Variants in PLEKHA3 observed in about 807,000 individuals in gnomAD.
PLEKHA3 encodes the protein pleckstrin homology domain containing A3, also known as pleckstrin homology domain-containing family A member 3.
Under a neutral mutation model 39.2 loss-of-function variants are expected in PLEKHA3, and 19 were observed. The ratio of observed to expected loss-of-function variants is 0.48; its 90% CI spans 0.34 to 0.71. PLEKHA3 has a LOEUF of 0.71. Ranked by LOEUF, PLEKHA3 falls within the 30% of genes least tolerant of loss-of-function variation. PLEKHA3 has a pLI of 0.01. For synonymous variants in PLEKHA3, 97 were observed against 118.6 expected (o/e 0.82, Z 1.18); for missense variants, 253 against 359.5 (o/e 0.70, Z 2.40).
Position 178,507,262 on chromosome 2 carries a change from C to G in PLEKHA3, c.*3375C>G, listed in dbSNP as rs746632231. On this transcript the variant is annotated 3_prime_UTR_variant, in exon 8 of 8. Transcript: ENST00000234453. ...CACATTTTTCTTCCCCCACCCCTCC[C>G]AAAATAGATTTATATTCACACAACT... The G allele has an allele frequency of 6.6e-6, 1 of 152,180 alleles. No individual in the cohort carries two copies. Among genetic ancestry groups the G allele is most frequent in the Non-Finnish European group, 1.5e-5 (1 of 68,022 alleles). 9.4% of individuals were successfully genotyped at this position (152,180 alleles called of 1,614,324 possible).
chr2:178,486,594 T>TCTTA (rs80046425), intron 2 of PLEKHA3, among the ~76,000 whole-genome samples: 27,770 of 152,132 alleles, frequency 0.18, 3,279 homozygotes, highest in East Asian at 0.62. Context: ...ATAAGTGTTG[T>TCTTA]CTTTTAATGT....
At chr2:178,501,463 A>C (rs570761936) in intron 7 of PLEKHA3, among the ~76,000 whole-genome samples, 38 of 152,140 alleles carry the variant, frequency 2.5e-4, no homozygotes, top group Middle Eastern at 3.4e-3. Flanking sequence ...GACTTAAAAA[A>C]CATTTTAGAA....
Position 178,510,105 on chromosome 2 carries a change from C to T in PLEKHA3, c.*6218C>T, listed in dbSNP as rs997481471. On this transcript the variant is annotated 3_prime_UTR_variant, in exon 8 of 8. Coordinates refer to ENST00000234453, the MANE Select transcript of PLEKHA3 (RefSeq NM_019091.4). ...AGTCAGGCTGGTCTTGAACTCCTGA[C>T]CTCAGGTCATCTACCTGCCTTGGCC... is the stretch of plus-strand genomic sequence containing the variant. The T allele has an allele frequency of 6.6e-6, 1 of 152,264 alleles. No individual in the cohort carries two copies. Among genetic ancestry groups the T allele is most frequent in the East Asian group, 1.9e-4 (1 of 5,172 alleles). 9.4% of individuals were successfully genotyped at this position (152,264 alleles called of 1,614,324 possible).
In PLEKHA3 at chr2:178,509,474, A is replaced by C. The variant is rs932761964; in HGVS notation, c.*5587A>C. On this transcript the variant is annotated 3_prime_UTR_variant, in exon 8 of 8. Coordinates refer to ENST00000234453, the MANE Select transcript of PLEKHA3 (RefSeq NM_019091.4). ...TACTATCATTATTATTATTACTACT[A>C]TCAGTTTTTTTTTTTTTTTCTGAGA... 2.7e-5 allele frequency: 4 copies of C among 150,234 alleles called. No homozygotes were observed. The highest frequency in any genetic ancestry group is 7.3e-5 in the African/African-American group (3 of 40,958). 9.3% of individuals were successfully genotyped at this position (150,234 alleles called of 1,614,324 possible). A position where few individuals can be genotyped will look rare whatever the true frequency, so the allele number is the denominator to read the frequency against.
At chr2:178,499,005 G>T (rs944286408) in intron 5 of PLEKHA3, among the ~76,000 whole-genome samples, 2 of 151,992 alleles carry the variant, frequency 1.3e-5, no homozygotes, top group Non-Finnish European at 2.9e-5. Context: ...TGTTGAAAAA[G>T]ATTCCAATTA....
intron 1 of PLEKHA3, among the ~76,000 whole-genome samples, chr2:178,484,083 C>A (rs1307179111): frequency 1.3e-5 from 2 of 152,158 alleles, no homozygotes; most frequent in East Asian, 1.9e-4. Flanking sequence ...TCTCAAAAAA[C>A]CAAACAAAAC....
At position 178,503,763 on chromosome 2, in the gene PLEKHA3, C is replaced by T; in HGVS notation, c.779C>T (p.Pro260Leu). The stretch of plus-strand genomic sequence containing the variant: ...GTTTTTATCAATGTCTTCATAGGAC[C>T]TGTTCACTGTTCAAAAAATACACTT... Reference protein sequence around the residue: ...SDIPLEDPDRPVHCSKNTLNG... With the variant: ...SDIPLEDPDRLVHCSKNTLNG... Residue 260 changes from proline to leucine, a missense_variant, in exon 8 of 8, where the codon CCT becomes CTT. Pro to Leu is a moderately conservative substitution (Grantham distance 98, BLOSUM62 -3). Around this residue, in one of 2 missense-constraint regions of PLEKHA3, gnomAD observed 127 missense variants for 136.8 expected, o/e 0.93. Transcript: ENST00000234453. 1 of 1,611,042 alleles carries T rather than the reference C, an allele frequency of 6.2e-7. No individual in the cohort carries two copies.
intron 5 of PLEKHA3, among the ~76,000 whole-genome samples, chr2:178,498,189 G>A (rs142957083): frequency 1.4e-4 from 22 of 152,296 alleles, no homozygotes; most frequent in African/African-American, 3.6e-4. Context: ...TACAGATTGA[G>A]TGATTATTAT....
At chr2:178,490,584 T>A in intron 2 of PLEKHA3, 75 bp from the exon 3 acceptor site, 2 of 1,395,280 alleles carry the variant, frequency 1.4e-6, no homozygotes, top group Non-Finnish European at 2.0e-6. Context: ...TGATACTGTG[T>A]GATTAGATGA....
At chr2:178,486,327 T>C (rs1378500908) in intron 2 of PLEKHA3, among the ~76,000 whole-genome samples, 1 of 152,094 alleles carries the variant, frequency 6.6e-6, no homozygotes, top group Non-Finnish European at 1.5e-5. Context: ...GTGTGTGTGG[T>C]TGGAGTGTGT....
intron 2 of PLEKHA3, chr2:178,488,961 T>C: frequency 2.2e-6 from 1 of 459,890 alleles, no homozygotes; most frequent in South Asian, 1.6e-5. Flanking sequence ...GTTTGTTGCC[T>C]TTTCAGGTGA....
At chr2:178,486,971 A>G (rs1315249723) in intron 2 of PLEKHA3, among the ~76,000 whole-genome samples, 5 of 152,242 alleles carry the variant, frequency 3.3e-5, no homozygotes, top group Non-Finnish European at 7.3e-5. Flanking sequence ...ACACGTTGAA[A>G]TGGTATGGCA....
At chr2:178,497,046 A>C (rs998140715) in intron 5 of PLEKHA3, among the ~76,000 whole-genome samples, 10 of 152,032 alleles carry the variant, frequency 6.6e-5, no homozygotes, top group African/African-American at 2.4e-4. Context: ...TCAGCCTCCC[A>C]AAGTGTTGGG....
chr2:178,505,561 T>G lies in PLEKHA3; in HGVS notation c.*1674T>G, dbSNP rs537110170. On this transcript the variant is annotated 3_prime_UTR_variant, in exon 8 of 8. Transcript: ENST00000234453. ...CAGGTAATCAGGTTTTTCTTGTTTTTTTTTTTTTTTTAAATTTTGTAGTAA... is the reference window on the plus strand; with the variant it reads ...CAGGTAATCAGGTTTTTCTTGTTTTGTTTTTTTTTTTAAATTTTGTAGTAA... 6.6e-5 allele frequency: 10 copies of G among 151,632 alleles called. No individual in the cohort carries two copies. The highest frequency in any genetic ancestry group is 1.9e-4 in the African/African-American group (8 of 41,474). 9.4% of individuals were successfully genotyped at this position (151,632 alleles called of 1,614,324 possible).
Position 178,510,198 on chromosome 2 carries a change from A to G in PLEKHA3, c.*6311A>G, listed in dbSNP as rs1162203151. On this transcript the variant is annotated 3_prime_UTR_variant, in exon 8 of 8. Coordinates refer to ENST00000234453, the MANE Select transcript of PLEKHA3 (RefSeq NM_019091.4). Reference sequence around the variant, plus strand: ...CCGACCCTGCATTTAACTAGACTTCATATGAAATGTTCAGGTGTTAGGTGT... The same window carrying G: ...CCGACCCTGCATTTAACTAGACTTCGTATGAAATGTTCAGGTGTTAGGTGT... 6.5e-6 allele frequency: 1 copy of G among 152,678 alleles called. No homozygotes were observed. The highest frequency in any genetic ancestry group is 1.5e-5 in the Non-Finnish European group (1 of 68,032). The allele number at this position is 152,678 out of a possible 1,614,324, so 9.5% of individuals were successfully genotyped here.
Position 178,511,568 on chromosome 2 carries a change from A to G in PLEKHA3, c.*7681A>G, listed in dbSNP as rs1257631550. The G allele has an allele frequency of 6.6e-6, 1 of 152,044 alleles. No individual in the cohort carries two copies. The highest frequency in any genetic ancestry group is 1.5e-5 in the Non-Finnish European group (1 of 67,994). The allele number at this position is 152,044 out of a possible 1,614,324, so 9.4% of individuals were successfully genotyped here. ...TTTTGTATTTTTACAAAAATTTTTC[A>G]CCATGTTGGCCAGGGTGGTCTCAAA... On this transcript the variant is annotated 3_prime_UTR_variant, in exon 8 of 8. Coordinates refer to ENST00000234453, the MANE Select transcript of PLEKHA3 (RefSeq NM_019091.4).
At position 178,480,905 on chromosome 2, in the gene PLEKHA3, C is replaced by G; in HGVS notation, c.36C>G (p.Leu12=). The change falls in exon 1 of 8, where the codon CTC becomes CTG. Residue 12 remains leucine (L), a synonymous_variant. Transcript: ENST00000234453. ...TGTTGTACAAGTGGACCAACTATCT[C>G]ACAGGTATGGGGGCTCGTGTGATGA... ...EGVLYKWTNY[L]TGWQPRWFVL... The G allele has an allele frequency of 7.6e-7, 1 of 1,313,144 alleles. No homozygotes were observed. Among genetic ancestry groups the G allele is most frequent in the Non-Finnish European group, 9.8e-7 (1 of 1,021,720 alleles). The allele number at this position is 1,313,144 out of a possible 1,614,324, so 81.3% of individuals were successfully genotyped here. A position where few individuals can be genotyped will look rare whatever the true frequency, so the allele number is the denominator to read the frequency against.
Position 178,490,693 on chromosome 2 carries a change from C to T in PLEKHA3, c.192C>T (p.Ile64=). ...HSADNTRMEL[I]IPGEQHFYMK... ...CAGACAACACAAGAATGGAATTAAT[C>T]ATTCCTGGAGAGCAGCATTTCTACA... The change falls in exon 3 of 8, where the codon ATC becomes ATT. Residue 64 remains isoleucine, a synonymous_variant. Coordinates refer to ENST00000234453, the MANE Select transcript of PLEKHA3 (RefSeq NM_019091.4). 4 of 1,613,874 alleles carry T rather than the reference C, an allele frequency of 2.5e-6. No individual in the cohort carries two copies. The highest frequency in any genetic ancestry group is 3.4e-6 in the Non-Finnish European group (4 of 1,179,746).
At chr2:178,497,551 C>T (rs1685467886) in intron 5 of PLEKHA3, among the ~76,000 whole-genome samples, 1 of 152,062 alleles carries the variant, frequency 6.6e-6, no homozygotes, top group Non-Finnish European at 1.5e-5. Flanking sequence ...TTTTTTAATA[C>T]CATCTTACAG....
Sources: gnomAD v4.1 joint callset for allele counts (sites outside exome capture counted in the v4.1 genomes callset) on GRCh38, gnomAD v4.1.1 for gene constraint, gnomAD v4.1.1 regional missense constraint, MANE v1.5 for transcripts, NCBI Gene and HGNC (gene_info 2026-07-23, HGNC 2026-07-21) for gene names.